CRY2: variants seen among roughly 807,000 people sequenced by gnomAD.
CRY2 encodes cryptochrome-2.
Under a neutral mutation model 69.5 loss-of-function variants are expected in CRY2, and 31 were observed. The ratio of observed to expected loss-of-function variants is 0.45; its 90% CI spans 0.34 to 0.60. The LOEUF is 0.60. Ranked by LOEUF, CRY2 falls within the 20% of genes least tolerant of loss-of-function variation. The probability of loss-of-function intolerance (pLI) is 0.02; values close to 1 mark genes in which losing one functional copy is unlikely to be tolerated. For missense variants in CRY2, 606 were observed against 797.8 expected (o/e 0.76, Z 2.90); for synonymous variants, 303 against 312.2 (o/e 0.97, Z 0.31).
chr11:45,861,883 T>A (rs542853371), intron 4 of CRY2, 177 bp from the exon 5 acceptor site: 1 of 605,648 alleles, frequency 1.7e-6, no homozygotes, highest in South Asian at 2.0e-5. Context: ...AAATAGTGAC[T>A]GTGGGAAGAG....
intron 10 of CRY2, among the ~76,000 whole-genome samples, chr11:45,871,590 G>A (rs2086383510): frequency 6.6e-6 from 1 of 152,200 alleles, no homozygotes; most frequent in South Asian, 2.1e-4. Context: ...ACAGGGTGGT[G>A]GCCGCAAGGA....
In CRY2 at chr11:45,883,055, C is replaced by T. The variant is rs928911971; in HGVS notation, c.*2144C>T. ...CATGGTGGCTTCATGCCTCCCTTCTCCCAGCTCAGGTGGCCCTGAGGGCTC... is the reference window on the plus strand; with the variant it reads ...CATGGTGGCTTCATGCCTCCCTTCTTCCAGCTCAGGTGGCCCTGAGGGCTC... On this transcript the variant is annotated 3_prime_UTR_variant, in exon 12 of 12. Transcript: ENST00000616080. The T allele has an allele frequency of 8.1e-6, 2 of 248,374 alleles. No individual in the cohort carries two copies. The highest frequency in any genetic ancestry group is 7.3e-5 in the East Asian group (1 of 13,722). 15.4% of individuals were successfully genotyped at this position (248,374 alleles called of 1,614,324 possible).
intron 2 of CRY2, among the ~76,000 whole-genome samples, chr11:45,857,323 T>C (rs986914472): frequency 5.3e-5 from 8 of 152,080 alleles, no homozygotes; most frequent in African/African-American, 1.9e-4. Context: ...CAGTCATTGG[T>C]TGTGAAGTTA....
chr11:45,847,382 G>A (rs760179689), upstream of CRY2: 11 of 1,596,722 alleles, frequency 6.9e-6, no homozygotes, highest in Non-Finnish European at 8.5e-6. Context: ...CCCTGTGGGC[G>A]GGGACTAAGG....
chr11:45,864,262 A>G (rs2086312143), intron 5 of CRY2, among the ~76,000 whole-genome samples: 1 of 152,330 alleles, frequency 6.6e-6, no homozygotes, highest in South Asian at 2.1e-4. Flanking sequence ...TTCCCAGAAC[A>G]ATGGAAAGGA....
At chr11:45,851,789 C>A (rs769378698) in intron 1 of CRY2, among the ~76,000 whole-genome samples, 2 of 152,136 alleles carry the variant, frequency 1.3e-5, no homozygotes, top group African/African-American at 2.4e-5. Context: ...AAATTAATTT[C>A]TATTAATATC....
chr11:45,869,852 C>T (rs771191769), intron 7 of CRY2, 35 bp downstream of exon 7: 2 of 1,574,048 alleles, frequency 1.3e-6, no homozygotes, highest in Non-Finnish European at 1.7e-6. Context: ...TGGCCTGTAC[C>T]CTCTGGTCAG....
chr11:45,871,037 T>C (rs1390197848), intron 10 of CRY2, 103 bp downstream of exon 10: 2 of 914,870 alleles, frequency 2.2e-6, no homozygotes, highest in African/African-American at 1.6e-5. Flanking sequence ...GTGGAGCTTA[T>C]ATTCCACCTG....
chr11:45,867,953 C>A, intron 6 of CRY2: 2 of 636,988 alleles, frequency 3.1e-6, no homozygotes, highest in Non-Finnish European at 2.6e-6. Flanking sequence ...GTGAACTGCC[C>A]ACCAGAATGA....
chr11:45,852,467 C>T (rs963448633), intron 1 of CRY2, among the ~76,000 whole-genome samples: 1 of 152,232 alleles, frequency 6.6e-6, no homozygotes, highest in African/African-American at 2.4e-5. Flanking sequence ...GGACAGCTGT[C>T]ACCTGGCAGG....
At chr11:45,873,543 A>G (rs2086403263) in intron 11 of CRY2, among the ~76,000 whole-genome samples, 1 of 152,202 alleles carries the variant, frequency 6.6e-6, no homozygotes, top group Non-Finnish European at 1.5e-5. Flanking sequence ...TGATTTTCGG[A>G]TGAGAAGACC....
Position 45,858,788 on chromosome 11 carries a change from C to T in CRY2, c.382C>T (p.Arg128Trp), listed in dbSNP as rs892055644. 5 of 1,614,122 alleles carry T rather than the reference C, an allele frequency of 3.1e-6. No individual in the cohort carries two copies. Among genetic ancestry groups the T allele is most frequent in the Middle Eastern group, 1.7e-4 (1 of 6,060 alleles). ...EYDSEPFGKE[R>W]DAAIMKMAKE... ...TGACTCTGAACCCTTTGGGAAAGAA[C>T]GGGATGCAGCCATCATGAAGATGGC... is the stretch of plus-strand genomic sequence containing the variant. Residue 128 changes from arginine (R) to tryptophan (W), a missense_variant, in exon 3 of 12, where the codon CGG (arginine) becomes TGG (tryptophan). Transcript: ENST00000616080.
In CRY2 at chr11:45,872,120, A is replaced by G; in HGVS notation, c.1671A>G (p.Ala557=). 1 of 1,614,114 alleles carries G rather than the reference A, an allele frequency of 6.2e-7. No individual in the cohort carries two copies. The highest frequency in any genetic ancestry group is 8.5e-7 in the Non-Finnish European group (1 of 1,179,986). The part of the protein sequence containing the change: ...AGPRPLPSGP[A]SPKRKLEAAE... The stretch of plus-strand genomic sequence containing the variant: ...CAAGACCACTACCCAGTGGCCCAGC[A>G]TCCCCCAAACGCAAGCTGGAAGCAG... The change falls in exon 11 of 12, where the codon GCA becomes GCG. Residue 557 remains alanine, a synonymous_variant. Transcript: ENST00000616080.
intron 5 of CRY2, 34 bp from the exon 6 acceptor site, chr11:45,867,578 C>T: frequency 6.2e-7 from 1 of 1,613,732 alleles, no homozygotes; most frequent in Non-Finnish European, 8.5e-7. Context: ...TACATCCAAG[C>T]CTTTCCTTTT....
intron 11 of CRY2, among the ~76,000 whole-genome samples, chr11:45,876,600 A>C (rs1018201208): frequency 6.6e-6 from 1 of 152,208 alleles, no homozygotes; most frequent in Admixed American, 6.5e-5. Flanking sequence ...CTGCTGGTAC[A>C]GACTGATCTG....
chr11:45,872,563 T>C (rs75057971), intron 11 of CRY2, among the ~76,000 whole-genome samples: 3,468 of 151,996 alleles, frequency 0.023, 35 homozygotes, highest in Middle Eastern at 0.051. Flanking sequence ...CAAACCAACA[T>C]AGTGAGACTC....
chr11:45,873,198 C>T (rs2086399905), intron 11 of CRY2, among the ~76,000 whole-genome samples: 1 of 152,206 alleles, frequency 6.6e-6, no homozygotes, highest in African/African-American at 2.4e-5. Context: ...TCAAGCTGTT[C>T]CTTATGCACC....
At chr11:45,851,744 T>C (rs1366039419) in intron 1 of CRY2, among the ~76,000 whole-genome samples, 1 of 152,240 alleles carries the variant, frequency 6.6e-6, no homozygotes, top group Non-Finnish European at 1.5e-5. Flanking sequence ...GTTATCCTTT[T>C]CCATGGGGCT....
At chr11:45,849,576 C>T (rs1288600066) in intron 1 of CRY2, among the ~76,000 whole-genome samples, 1 of 151,822 alleles carries the variant, frequency 6.6e-6, no homozygotes, top group East Asian at 1.9e-4. Context: ...CATTGGAATC[C>T]CATAAGGGTC....
Sources: allele counts gnomAD v4.1 joint callset (sites outside exome capture counted in the v4.1 genomes callset), GRCh38; gene constraint gnomAD v4.1.1; transcripts MANE v1.5; gene names NCBI Gene and HGNC (gene_info 2026-07-23, HGNC 2026-07-21).